OSBPL9: variants seen among roughly 807,000 people sequenced by gnomAD.
The protein encoded by OSBPL9 is oxysterol binding protein like 9, also known as oxysterol-binding protein-related protein 9.
In OSBPL9, 40 loss-of-function variants were observed where a neutral mutation model predicts 106.6. The ratio of observed to expected loss-of-function variants is 0.38; its 90% CI spans 0.29 to 0.49. The LOEUF (loss-of-function observed/expected upper bound fraction) is 0.49, where lower values mean the gene tolerates loss of function less well. Among genes scored for constraint, OSBPL9 ranks in the 20% least tolerant of loss-of-function variants. The pLI, the probability that OSBPL9 is intolerant of heterozygous loss-of-function variation, is 0.97. For synonymous variants in OSBPL9, 269 were observed against 295.4 expected (o/e 0.91, Z 0.92); for missense variants, 609 against 887.2 (o/e 0.69, Z 3.98).
chr1:51,665,784 C>T (rs1039754228), intron 2 of OSBPL9, among the ~76,000 whole-genome samples: 1 of 152,058 alleles, frequency 6.6e-6, no homozygotes, highest in Non-Finnish European at 1.5e-5. Flanking sequence ...TGTTTTTTTC[C>T]ATATAGACTA....
intron 4 of OSBPL9, chr1:51,730,036 G>T: frequency 3.1e-6 from 4 of 1,301,028 alleles, no homozygotes; most frequent in Non-Finnish European, 3.9e-6. Context: ...AGAGGGGCCG[G>T]CCCCTACCCC....
intron 8 of OSBPL9, among the ~76,000 whole-genome samples, chr1:51,754,613 AAT>A (rs1669946975): frequency 6.6e-6 from 1 of 152,260 alleles, no homozygotes; most frequent in Non-Finnish European, 1.5e-5. Flanking sequence ...ATACAATAAA[AAT>A]ATGAGAGCTA....
At chr1:51,680,268 T>G (rs1364371000) in intron 3 of OSBPL9, among the ~76,000 whole-genome samples, 1 of 150,010 alleles carries the variant, frequency 6.7e-6, no homozygotes, top group Non-Finnish European at 1.5e-5. Context: ...AAAAAAAAAT[T>G]TTGAGTCATT....
At chr1:51,564,902 G>A in the OSBPL9 span, among the ~76,000 whole-genome samples, 4 of 152,196 alleles carry the variant, frequency 2.6e-5, no homozygotes, top group Non-Finnish European at 5.9e-5. Context: ...CTCACCAGGA[G>A]GGGAGGGTCC....
At chr1:51,587,297 G>A (rs1272575902) in intron 1 of OSBPL9, among the ~76,000 whole-genome samples, 3 of 152,118 alleles carry the variant, frequency 2.0e-5, no homozygotes, top group Non-Finnish European at 2.9e-5. Flanking sequence ...CACAGAAGGC[G>A]GAGGTTGCAG....
At chr1:51,682,523 GC>G (rs1339434868) in intron 3 of OSBPL9, among the ~76,000 whole-genome samples, 2 of 152,086 alleles carry the variant, frequency 1.3e-5, no homozygotes, top group Admixed American at 1.3e-4. Flanking sequence ...ACTTTGGGAG[GC>G]CGAGGCAGGC....
intron 2 of OSBPL9, among the ~76,000 whole-genome samples, chr1:51,664,083 G>C (rs1018470420): frequency 3.9e-5 from 6 of 152,132 alleles, no homozygotes; most frequent in Non-Finnish European, 7.3e-5. Flanking sequence ...TCCTAAACCT[G>C]ATATATGCAT....
At chr1:51,649,033 T>C (rs1177919551) in intron 1 of OSBPL9, among the ~76,000 whole-genome samples, 1 of 152,206 alleles carries the variant, frequency 6.6e-6, no homozygotes, top group Non-Finnish European at 1.5e-5. Context: ...TAAATTTCCT[T>C]AACTACTCCA....
chr1:51,572,721 A>G (rs1318796100), upstream of OSBPL9, among the ~76,000 whole-genome samples: 1 of 152,212 alleles, frequency 6.6e-6, no homozygotes, highest in African/African-American at 2.4e-5. Flanking sequence ...GGAAAGTAAT[A>G]GTAATCACAT....
the OSBPL9 span, among the ~76,000 whole-genome samples, chr1:51,563,012 C>T: frequency 0.067 from 10,183 of 152,102 alleles, 802 homozygotes; most frequent in African/African-American, 0.19. Context: ...AATTCAAAAC[C>T]AGCCTGGCCA....
At chr1:51,682,933 A>G (rs1276144808) in intron 3 of OSBPL9, among the ~76,000 whole-genome samples, 2 of 151,148 alleles carry the variant, frequency 1.3e-5, no homozygotes, top group Admixed American at 6.6e-5. Flanking sequence ...CTAGAGTGCA[A>G]TGGCATGATC....
intron 15 of OSBPL9, among the ~76,000 whole-genome samples, chr1:51,778,737 C>A (rs955855316): frequency 6.6e-6 from 1 of 152,016 alleles, no homozygotes; most frequent in Non-Finnish European, 1.5e-5. Flanking sequence ...CCCGCCCCCC[C>A]AAAAAATCAG....
intron 3 of OSBPL9, among the ~76,000 whole-genome samples, chr1:51,694,878 A>G (rs992352077): frequency 6.6e-6 from 1 of 152,244 alleles, no homozygotes; most frequent in Admixed American, 6.5e-5. Flanking sequence ...TATAATTGGC[A>G]ATAAATGTTG....
chr1:51,690,564 T>C (rs950079162), intron 3 of OSBPL9, among the ~76,000 whole-genome samples: 2 of 152,214 alleles, frequency 1.3e-5, no homozygotes, highest in Non-Finnish European at 2.9e-5. Context: ...TCTTAGGAAA[T>C]CTAATTTTAG....
At chr1:51,692,593 T>C (rs1355563379) in intron 3 of OSBPL9, among the ~76,000 whole-genome samples, 3 of 151,742 alleles carry the variant, frequency 2.0e-5, no homozygotes, top group Non-Finnish European at 4.4e-5. Flanking sequence ...CCTCCCTCCT[T>C]TTCTTCCTTT....
At chr1:51,544,424 T>A in the OSBPL9 span, among the ~76,000 whole-genome samples, 1 of 152,210 alleles carries the variant, frequency 6.6e-6, no homozygotes, top group African/African-American at 2.4e-5. Flanking sequence ...TTGGGACTGG[T>A]ACTCTGTGTT....
intron 17 of OSBPL9, 43 bp downstream of exon 17, chr1:51,782,686 TTC>T: frequency 1.3e-6 from 2 of 1,580,112 alleles, no homozygotes; most frequent in Non-Finnish European, 1.7e-6. Context: ...CTCAAAACTA[TTC>T]TGTCTAAAGA....
chr1:51,639,452 A>G (rs1645641227), intron 1 of OSBPL9, among the ~76,000 whole-genome samples: 1 of 152,222 alleles, frequency 6.6e-6, no homozygotes, highest in Admixed American at 6.5e-5. Context: ...CATTGTCCCC[A>G]GGTCTTCTAC....
Position 51,729,912 on chromosome 1 carries a change from G to T in OSBPL9, c.319-15624G>T, listed in dbSNP as rs1663952903. ...ATCGGGTCGAGGGGAGAAGAAAAAG[G>T]GGTGCTCGGGAGCAGCCCCCGGCTA... On this transcript the variant is annotated intron_variant, in intron 4 of 23. Coordinates refer to ENST00000428468, the MANE Select transcript of OSBPL9 (RefSeq NM_024586.6). This position sits in a 1 kb window ranked among gnomAD's most constrained non-coding sequence, Gnocchi z 5.1. 5 of 1,288,844 alleles carry T rather than the reference G, an allele frequency of 3.9e-6. No individual in the cohort carries two copies. In the African/African-American group the frequency reaches 7.6e-5, roughly 20 times the overall value. 79.8% of individuals were successfully genotyped at this position (1,288,844 alleles called of 1,614,324 possible).
Sources: allele counts gnomAD v4.1 joint callset (sites outside exome capture counted in the v4.1 genomes callset), GRCh38; gene constraint gnomAD v4.1.1; non-coding constraint Gnocchi (gnomAD v3.1); transcripts MANE v1.5; gene names NCBI Gene and HGNC (gene_info 2026-07-23, HGNC 2026-07-21).